The following NDST4 variants were observed in gnomAD, a reference collection of about 807,000 sequenced individuals.
NDST4 encodes N-deacetylase and N-sulfotransferase 4.
NDST4 carries 63 observed loss-of-function variants against 100.8 expected under a neutral mutation model. The observed-to-expected ratio is 0.62, with a 90% CI of 0.51 to 0.77. NDST4 has a LOEUF of 0.77. NDST4 is among the 30% of genes least tolerant of loss of function. The pLI is 0.00. For synonymous variants in NDST4, 377 were observed against 361.8 expected (o/e 1.04, Z -0.48); for missense variants, 943 against 1,018.4 (o/e 0.93, Z 1.01).
chr4:114,847,811 G>T (rs1723587151), intron 9 of NDST4, among the ~76,000 whole-genome samples: 1 of 152,160 alleles, frequency 6.6e-6, no homozygotes, highest in South Asian at 2.1e-4. Context: ...TGTGGTTAAT[G>T]AAGATACATG....
chr4:114,875,537 A>C (rs1724238078), intron 6 of NDST4, among the ~76,000 whole-genome samples: 1 of 152,188 alleles, frequency 6.6e-6, no homozygotes, highest in Admixed American at 6.6e-5. Flanking sequence ...GAATTGAGTA[A>C]ATATAATTGA....
At chr4:114,884,100 G>A (rs1019516265) in intron 6 of NDST4, among the ~76,000 whole-genome samples, 1 of 152,082 alleles carries the variant, frequency 6.6e-6, no homozygotes, top group Admixed American at 6.6e-5. Flanking sequence ...TTTTAGAAAA[G>A]CCCACTTATA....
chr4:114,969,184 G>T (rs1726450078), intron 4 of NDST4, among the ~76,000 whole-genome samples: 1 of 150,986 alleles, frequency 6.6e-6, no homozygotes, highest in Admixed American at 6.6e-5. Context: ...CGTAGTGGCG[G>T]GCGCCTGTAG....
intron 11 of NDST4, among the ~76,000 whole-genome samples, chr4:114,837,974 T>C (rs113359931): frequency 0.11 from 16,560 of 151,988 alleles, 946 homozygotes; most frequent in Middle Eastern, 0.15. Context: ...AACAAATTTA[T>C]AAGAAAAAAA....
At chr4:114,957,483 G>A (rs1012096737) in intron 4 of NDST4, among the ~76,000 whole-genome samples, 6 of 152,096 alleles carry the variant, frequency 3.9e-5, no homozygotes, top group Non-Finnish European at 1.5e-5. Flanking sequence ...TAACAGGTGG[G>A]CATTATTGAA....
chr4:114,926,714 T>A (rs1035739575), intron 6 of NDST4, among the ~76,000 whole-genome samples: 1 of 152,112 alleles, frequency 6.6e-6, no homozygotes, highest in East Asian at 1.9e-4. Context: ...GTTGTGGCAT[T>A]TGCCTTTTTG....
rs1723251248 is a variant in NDST4 at position 114,833,697 on chromosome 4, G to A, written c.2305C>T (p.Gln769Ter). Residue 769 changes from glutamine (Q) to a stop codon, truncating the protein, a stop_gained, in exon 12 of 14, where the codon CAG (glutamine) becomes TAG (stop). Coordinates refer to ENST00000264363, the MANE Select transcript of NDST4 (RefSeq NM_022569.3). LOFTEE classifies it high-confidence loss of function. ...ATSQLLIIDG[Q>*]QLRSDPATVM... ...GTAGCTGGGTCAGATCTCAGCTGCT[G>A]TCCATCAATAATTAGCAACTGTAAA... 1.9e-6 allele frequency: 3 copies of A among 1,608,460 alleles called. No homozygotes were observed. Among genetic ancestry groups the A allele is most frequent in the Non-Finnish European group, 2.5e-6 (3 of 1,177,766 alleles).
intron 6 of NDST4, among the ~76,000 whole-genome samples, chr4:114,891,073 T>A (rs1221400546): frequency 6.6e-6 from 1 of 152,068 alleles, no homozygotes; most frequent in Non-Finnish European, 1.5e-5. Context: ...TTTTGAGGGA[T>A]TCATCCTACT....
chr4:114,998,245 C>G (rs1474471197), intron 2 of NDST4, among the ~76,000 whole-genome samples: 1 of 152,152 alleles, frequency 6.6e-6, no homozygotes, highest in African/African-American at 2.4e-5. Flanking sequence ...CTGTAACTTT[C>G]TCTTTGTCTA....
intron 2 of NDST4, among the ~76,000 whole-genome samples, chr4:115,042,006 C>T (rs747560429): frequency 1.3e-5 from 2 of 152,078 alleles, no homozygotes; most frequent in Non-Finnish European, 2.9e-5. Context: ...TAATGATTTA[C>T]TTATTAAGGT....
chr4:114,988,667 C>T (rs1169449193), intron 2 of NDST4, among the ~76,000 whole-genome samples: 1 of 151,910 alleles, frequency 6.6e-6, no homozygotes, highest in South Asian at 2.1e-4. Context: ...GGCCTACATA[C>T]GTCTTTAAAT....
At chr4:114,836,016 A>C (rs2126181699) in intron 11 of NDST4, among the ~76,000 whole-genome samples, 1 of 152,176 alleles carries the variant, frequency 6.6e-6, no homozygotes, top group South Asian at 2.1e-4. Context: ...TTCGCACGTG[A>C]GATGGGTCTC....
intron 2 of NDST4, among the ~76,000 whole-genome samples, chr4:114,983,124 G>A (rs1222276229): frequency 1.3e-5 from 2 of 152,212 alleles, no homozygotes; most frequent in African/African-American, 4.8e-5. Flanking sequence ...AGCCCTCATG[G>A]AGAATTTCTA....
chr4:114,830,021 T>C, intron 12 of NDST4, 129 bp from the exon 13 acceptor site: 1 of 672,940 alleles, frequency 1.5e-6, no homozygotes, highest in Non-Finnish European at 2.5e-6. Flanking sequence ...TTTACAGATA[T>C]TTATTTAGCT....
chr4:115,085,830 A>G (rs559905171), intron 1 of NDST4, among the ~76,000 whole-genome samples: 18 of 152,204 alleles, frequency 1.2e-4, no homozygotes, highest in Non-Finnish European at 2.2e-4. Context: ...AGAGAGATGC[A>G]GTATTTTTCA....
chr4:115,087,852 T>G (rs1482729281), intron 1 of NDST4, among the ~76,000 whole-genome samples: 2 of 151,904 alleles, frequency 1.3e-5, no homozygotes, highest in Non-Finnish European at 2.9e-5. Flanking sequence ...TTAACAAAAT[T>G]TATGTATATT....
At chr4:115,105,187 T>C (rs1046566158) in intron 1 of NDST4, among the ~76,000 whole-genome samples, 3 of 152,156 alleles carry the variant, frequency 2.0e-5, no homozygotes, top group African/African-American at 7.2e-5. Flanking sequence ...TGAAGGCTTC[T>C]ACAAAAAGGC....
chr4:115,013,370 T>TATATATATATATATACAC (rs74678897), intron 2 of NDST4, among the ~76,000 whole-genome samples: 160 of 71,464 alleles, frequency 2.2e-3, no homozygotes, highest in Non-Finnish European at 3.5e-3. Flanking sequence ...TATATATATA[T>TATATATATATATATACAC]ACACACACAT....
At chr4:114,911,666 T>C (rs1301622736) in intron 6 of NDST4, among the ~76,000 whole-genome samples, 1 of 152,146 alleles carries the variant, frequency 6.6e-6, no homozygotes, top group Non-Finnish European at 1.5e-5. Context: ...TACTCTTCCG[T>C]AGAAAAATGG....
Sources: allele counts gnomAD v4.1 joint callset (sites outside exome capture counted in the v4.1 genomes callset), GRCh38; gene constraint gnomAD v4.1.1; transcripts MANE v1.5; gene names NCBI Gene and HGNC (gene_info 2026-07-23, HGNC 2026-07-21).